Variants in ASCC1 observed in about 807,000 individuals in gnomAD.
ASCC1 encodes the protein activating signal cointegrator 1 complex subunit 1, also known as ASC-1 complex subunit P50.
Under a neutral mutation model 46.6 loss-of-function variants are expected in ASCC1, and 35 were observed. The observed-to-expected ratio is 0.75, with a 90% CI of 0.57 to 0.99. ASCC1 has a LOEUF of 0.99. ASCC1 is among the 50% of genes least tolerant of loss of function. The pLI, the probability that ASCC1 is intolerant of heterozygous loss-of-function variation, is 0.00. For synonymous variants in ASCC1, 143 were observed against 146.6 expected (o/e 0.98, Z 0.18); for missense variants, 376 against 428.7 (o/e 0.88, Z 1.09).
chr10:72,126,535 T>C (rs558275470), intron 9 of ASCC1, among the ~76,000 whole-genome samples: 2 of 152,190 alleles, frequency 1.3e-5, no homozygotes, highest in South Asian at 4.1e-4. Context: ...CTCTCTGCCA[T>C]CACCCCACTC....
At chr10:72,178,789 T>C (rs548267138) in intron 5 of ASCC1, among the ~76,000 whole-genome samples, 2 of 152,180 alleles carry the variant, frequency 1.3e-5, no homozygotes, top group Non-Finnish European at 2.9e-5. Context: ...ACTCATAAGG[T>C]AGGGTAAACT....
At chr10:72,205,403 G>A (rs184553386) in intron 3 of ASCC1, among the ~76,000 whole-genome samples, 31 of 152,306 alleles carry the variant, frequency 2.0e-4, no homozygotes, top group East Asian at 1.2e-3. Flanking sequence ...GCCGAGGTGG[G>A]GGGGATCACC....
chr10:72,198,507 G>T, intron 4 of ASCC1: 1 of 455,192 alleles, frequency 2.2e-6, no homozygotes, highest in South Asian at 1.6e-5. Flanking sequence ...GAGGCCAGGA[G>T]TTCCAGACAG....
At chr10:72,150,490 T>C (rs1448282868) in intron 7 of ASCC1, among the ~76,000 whole-genome samples, 1 of 152,182 alleles carries the variant, frequency 6.6e-6, no homozygotes, top group Non-Finnish European at 1.5e-5. Context: ...CCAGTGCATG[T>C]GGGGCTCTCT....
At chr10:72,180,250 G>A (rs971505969) in intron 5 of ASCC1, among the ~76,000 whole-genome samples, 1 of 151,928 alleles carries the variant, frequency 6.6e-6, no homozygotes, top group African/African-American at 2.4e-5. Flanking sequence ...CTGCACTCCA[G>A]CCTGGGCAAC....
At chr10:72,172,322 G>T (rs1851207281) in intron 5 of ASCC1, among the ~76,000 whole-genome samples, 1 of 150,394 alleles carries the variant, frequency 6.6e-6, no homozygotes, top group South Asian at 2.1e-4. Flanking sequence ...GGCTGAAGCA[G>T]GAAAATCGCT....
At chr10:72,197,467 C>CAAAAAAAAAAAAAAAAAAAAAA (rs59460393) in intron 4 of ASCC1, among the ~76,000 whole-genome samples, 1 of 51,364 alleles carries the variant, frequency 1.9e-5, no homozygotes. Context: ...GACTCTATCT[C>CAAAAAAAAAAAAAAAAAAAAAA]AAAAAAAAAA....
intron 7 of ASCC1, among the ~76,000 whole-genome samples, chr10:72,140,750 A>T (rs1164773713): frequency 6.6e-6 from 1 of 152,218 alleles, no homozygotes; most frequent in Non-Finnish European, 1.5e-5. Context: ...AACAATGTAA[A>T]AAGAGGCTTG....
intron 7 of ASCC1, among the ~76,000 whole-genome samples, chr10:72,152,664 A>G (rs1254543806): frequency 6.6e-6 from 1 of 152,172 alleles, no homozygotes; most frequent in Non-Finnish European, 1.5e-5. Flanking sequence ...CCCCATCCTA[A>G]AAGTCAGACT....
intron 2 of ASCC1, 76 bp from the exon 3 acceptor site, chr10:72,210,907 C>A: frequency 7.2e-7 from 1 of 1,397,612 alleles, no homozygotes. Context: ...AGCTGTCAAC[C>A]GCTGTTGAGG....
At chr10:72,128,237 T>C (rs1845124856) in intron 8 of ASCC1, 70 bp from the exon 9 acceptor site, 1 of 1,398,534 alleles carries the variant, frequency 7.2e-7, no homozygotes, top group African/African-American at 1.4e-5. Flanking sequence ...TTTCTATAGG[T>C]ACATAGGTAC....
At chr10:72,146,762 T>C (rs543831622) in intron 7 of ASCC1, among the ~76,000 whole-genome samples, 2 of 152,136 alleles carry the variant, frequency 1.3e-5, no homozygotes, top group Non-Finnish European at 2.9e-5. Flanking sequence ...ACAAATCTGA[T>C]CTAAGTGGTT....
At chr10:72,153,419 T>G (rs1043892251) in intron 6 of ASCC1, among the ~76,000 whole-genome samples, 1 of 151,678 alleles carries the variant, frequency 6.6e-6, no homozygotes, top group Admixed American at 6.6e-5. Flanking sequence ...TTATTTACTT[T>G]TTTGTTTGTT....
At chr10:72,201,652 C>T (rs924557086) in intron 4 of ASCC1, among the ~76,000 whole-genome samples, 2 of 152,120 alleles carry the variant, frequency 1.3e-5, no homozygotes, top group Admixed American at 1.3e-4. Context: ...AGCCAATCAA[C>T]TCTAGCCTGG....
intron 4 of ASCC1, chr10:72,198,812 A>G (rs1258337917): frequency 2.5e-6 from 1 of 392,798 alleles, no homozygotes; most frequent in East Asian, 7.1e-5. Flanking sequence ...CAAGATCAAT[A>G]AGCCAGTTTA....
At chr10:72,197,200 G>A (rs1413794198) in intron 4 of ASCC1, among the ~76,000 whole-genome samples, 2 of 151,930 alleles carry the variant, frequency 1.3e-5, no homozygotes, top group Admixed American at 1.3e-4. Context: ...GGCCGGGCAC[G>A]GTGGCTCATT....
In ASCC1 at chr10:72,203,503, C is replaced by A. The variant is rs201027221; in HGVS notation, c.234G>T (p.Gly78=). ...LLYKHIVGKR[G]DTRKKIEMET... is the part of the protein sequence containing the mutation. ...CCATTTCTATTTTCTTCCTAGTGTC[C>A]CCTCTCTTTCCAACTATATGCCTGT... The change falls in exon 4 of 10, where the codon GGG becomes GGT. Residue 78 remains glycine (G), a synonymous_variant. Coordinates refer to ENST00000672957, the MANE Select transcript of ASCC1 (RefSeq NM_001198800.3). The A allele has an allele frequency of 1.2e-6, 2 of 1,611,208 alleles. No individual in the cohort carries two copies. Among genetic ancestry groups the A allele is most frequent in the Non-Finnish European group, 1.7e-6 (2 of 1,177,870 alleles).
intron 3 of ASCC1, 144 bp from the exon 4 acceptor site, chr10:72,203,668 C>A: frequency 1.4e-6 from 1 of 700,344 alleles, no homozygotes; most frequent in African/African-American, 1.8e-5. Context: ...GAAGAAATTA[C>A]AAGTCATCTA....
intron 9 of ASCC1, among the ~76,000 whole-genome samples, chr10:72,106,764 G>A (rs568408244): frequency 6.6e-6 from 1 of 152,266 alleles, no homozygotes; most frequent in South Asian, 2.1e-4. Flanking sequence ...ATAAACCAGA[G>A]CTGAGCATTA....
Sources: allele counts gnomAD v4.1 joint callset (sites outside exome capture counted in the v4.1 genomes callset), GRCh38; gene constraint gnomAD v4.1.1; transcripts MANE v1.5; gene names NCBI Gene and HGNC (gene_info 2026-07-23, HGNC 2026-07-21).